CACNA1D: variants seen among roughly 807,000 people sequenced by gnomAD.
The protein encoded by CACNA1D is voltage-dependent L-type calcium channel subunit alpha-1D.
CACNA1D carries 55 observed loss-of-function variants against 257.1 expected under a neutral mutation model. The ratio of observed to expected loss-of-function variants is 0.21; its 90% CI spans 0.17 to 0.27. The LOEUF (loss-of-function observed/expected upper bound fraction) is 0.27. CACNA1D is among the 10% of genes least tolerant of loss of function. CACNA1D has a pLI of 1.00. For missense variants in CACNA1D, 1,876 were observed against 2,784.0 expected (o/e 0.67, Z 7.34); for synonymous variants, 980 against 1,014.9 (o/e 0.97, Z 0.65).
intron 19 of CACNA1D, among the ~76,000 whole-genome samples, chr3:53,733,363 A>G (rs576498514): frequency 2.0e-5 from 3 of 152,350 alleles, no homozygotes; most frequent in Non-Finnish European, 4.4e-5. Flanking sequence ...ATCTTCTGTT[A>G]GGATGCCTTG....
At chr3:53,747,471 C>T (rs771363046) in intron 26 of CACNA1D, 23 bp downstream of exon 26, 8 of 1,613,424 alleles carry the variant, frequency 5.0e-6, no homozygotes, top group Non-Finnish European at 6.8e-6. Flanking sequence ...AGCACACAGT[C>T]TTCTGGAGAG....
chr3:53,667,919 A>G (rs1436841894), intron 7 of CACNA1D, among the ~76,000 whole-genome samples: 5 of 150,534 alleles, frequency 3.3e-5, no homozygotes, highest in African/African-American at 1.2e-4. Flanking sequence ...GAGGAAGGAG[A>G]TGATATTGGC....
rs75426226 is a variant in CACNA1D at position 53,500,424 on chromosome 3, C to A, written c.378-1191C>A. On this transcript the variant is annotated intron_variant, in intron 2 of 47. Transcript: ENST00000350061. Reference sequence around the variant, plus strand: ...CACTCCAGCCTTGGTGACAGTGAGACCCCATCTCAAAAAAAAAAAAAAAAA... The same window carrying A: ...CACTCCAGCCTTGGTGACAGTGAGAACCCATCTCAAAAAAAAAAAAAAAAA... Among the ~76,000 whole-genome samples the A allele has an allele frequency of 7.8e-3, 980 of 125,520 alleles. 39 individuals are homozygous for A. In the East Asian group the frequency reaches 0.13, roughly 16 times the overall value. The allele number at this position is 125,520 out of a possible 152,430, so 82.3% of individuals were successfully genotyped here.
chr3:53,509,098 G>A (rs992863550), intron 3 of CACNA1D, among the ~76,000 whole-genome samples: 1 of 152,200 alleles, frequency 6.6e-6, no homozygotes, highest in African/African-American at 2.4e-5. Flanking sequence ...GGAGGCGGGG[G>A]CCTTCCTTTT....
rs374214489 is a variant in CACNA1D, at chr3:53,501,860, T to TTTTG, written c.483+156_483+159dup. 1.9e-4 allele frequency: 124 copies of TTTTG among 659,836 alleles called. No homozygotes were observed. In the East Asian group the frequency reaches 3.2e-3, roughly 17 times the overall value. The allele number at this position is 659,836 out of a possible 1,614,324, so 40.9% of individuals were successfully genotyped here. A position where few individuals can be genotyped will look rare whatever the true frequency, so the allele number is the denominator to read the frequency against. The stretch of plus-strand genomic sequence containing the variant: ...TTCTTGGAGCTTTGCAACAGTGGTT[T>TTTTG]TTTGTTTGTTTGTTTGTTTTAACCT... On this transcript the variant is annotated intron_variant, in intron 3 of 47. Coordinates refer to ENST00000350061, the MANE Select transcript of CACNA1D (RefSeq NM_001128840.3).
At chr3:53,696,300 T>C (rs939851494) in intron 8 of CACNA1D, among the ~76,000 whole-genome samples, 2 of 152,250 alleles carry the variant, frequency 1.3e-5, no homozygotes, top group Non-Finnish European at 2.9e-5. Flanking sequence ...ATCCTCCTGG[T>C]GTCTACCTTC....
At chr3:53,726,183 C>A (rs552103191) in intron 14 of CACNA1D, among the ~76,000 whole-genome samples, 1 of 151,668 alleles carries the variant, frequency 6.6e-6, no homozygotes, top group African/African-American at 2.4e-5. Context: ...CTTTGCATAG[C>A]ATGATATCCT....
intron 39 of CACNA1D, among the ~76,000 whole-genome samples, chr3:53,785,060 A>G (rs2095445688): frequency 6.6e-6 from 1 of 152,160 alleles, no homozygotes; most frequent in Non-Finnish European, 1.5e-5. Flanking sequence ...CTTCTGACAC[A>G]GGGCTTGGCA....
At chr3:53,779,947 C>T (rs180848163) in intron 37 of CACNA1D, 79 bp from the exon 38 acceptor site, 114 of 1,018,390 alleles carry the variant, frequency 1.1e-4, no homozygotes, top group Admixed American at 3.9e-4. Flanking sequence ...GAGTGATAAA[C>T]GGAAAATAAA....
At chr3:53,542,014 G>A (rs1159946024) in intron 3 of CACNA1D, among the ~76,000 whole-genome samples, 1 of 152,160 alleles carries the variant, frequency 6.6e-6, no homozygotes, top group East Asian at 1.9e-4. Flanking sequence ...TGATAGGGAG[G>A]TGATAGCTAA....
chr3:53,635,563 C>T (rs1284618922), intron 3 of CACNA1D, among the ~76,000 whole-genome samples: 1 of 152,132 alleles, frequency 6.6e-6, no homozygotes, highest in African/African-American at 2.4e-5. Flanking sequence ...TTTCCTGCCT[C>T]CAGGTGCTCC....
At chr3:53,545,967 G>A (rs1188945528) in intron 3 of CACNA1D, among the ~76,000 whole-genome samples, 1 of 152,186 alleles carries the variant, frequency 6.6e-6, no homozygotes, top group Admixed American at 6.5e-5. Context: ...CAGTAGCAGT[G>A]TGAATCAGTG....
intron 14 of CACNA1D, 40 bp downstream of exon 14, chr3:53,724,039 C>T (rs2108725285): frequency 2.0e-6 from 3 of 1,526,858 alleles, no homozygotes; most frequent in Non-Finnish European, 2.7e-6. Context: ...ACTTCGTGAG[C>T]AGCAGCTAAA....
chr3:53,497,522 G>A, intron 2 of CACNA1D, 61 bp downstream of exon 2: 1 of 1,556,038 alleles, frequency 6.4e-7, no homozygotes. Context: ...TTTTTAAAAG[G>A]ATTTGCTTTC....
intron 40 of CACNA1D, among the ~76,000 whole-genome samples, chr3:53,790,118 T>C (rs780446129): frequency 1.3e-5 from 2 of 152,228 alleles, no homozygotes; most frequent in Non-Finnish European, 2.9e-5. Context: ...GCGCATCTCC[T>C]ACATGCCATG....
At chr3:53,729,175 C>G (rs1307385959) in intron 15 of CACNA1D, among the ~76,000 whole-genome samples, 1 of 152,188 alleles carries the variant, frequency 6.6e-6, no homozygotes, top group African/African-American at 2.4e-5. Context: ...CTAATTGCTT[C>G]CTGAGGCTCA....
intron 9 of CACNA1D, among the ~76,000 whole-genome samples, chr3:53,707,398 T>C (rs954829869): frequency 3.9e-5 from 6 of 152,134 alleles, no homozygotes; most frequent in Admixed American, 2.0e-4. Context: ...TATCACACTG[T>C]TCCAGGCATT....
chr3:53,755,578 T>C (rs1300611891), intron 29 of CACNA1D, among the ~76,000 whole-genome samples: 2 of 152,140 alleles, frequency 1.3e-5, no homozygotes, highest in African/African-American at 2.4e-5. Flanking sequence ...TGCTGGAAAT[T>C]GTACTGCTTG....
chr3:53,742,945 A>G, intron 21 of CACNA1D, 66 bp from the exon 22 acceptor site: 3 of 1,010,104 alleles, frequency 3.0e-6, no homozygotes, highest in Non-Finnish European at 3.2e-6. Context: ...AAGATTTTGC[A>G]AAGAGCCCAG....
Sources: allele counts gnomAD v4.1 joint callset (sites outside exome capture counted in the v4.1 genomes callset), GRCh38; gene constraint gnomAD v4.1.1; transcripts MANE v1.5; gene names NCBI Gene and HGNC (gene_info 2026-07-23, HGNC 2026-07-21).